Variants in SNX18 observed in about 807,000 individuals in gnomAD.
The protein encoded by SNX18 is sorting nexin-18.
SNX18 carries 35 observed loss-of-function variants against 48.7 expected under a neutral mutation model. The observed-to-expected ratio is 0.72, with a 90% CI of 0.55 to 0.95. SNX18 has a LOEUF of 0.95. Ranked by LOEUF, SNX18 falls within the 40% of genes least tolerant of loss-of-function variation. The pLI is 0.00. For missense variants in SNX18, 824 were observed against 871.0 expected (o/e 0.95, Z 0.68); for synonymous variants, 492 against 384.7 (o/e 1.28, Z -3.26).
At chr5:54,540,689 G>A (rs1205778538) in intron 1 of SNX18, among the ~76,000 whole-genome samples, 1 of 151,846 alleles carries the variant, frequency 6.6e-6, no homozygotes, top group African/African-American at 2.4e-5. Context: ...ACTGGACTCT[G>A]TTCTCTATGA....
At chr5:54,624,929 G>C in the SNX18 span, among the ~76,000 whole-genome samples, 1 of 152,206 alleles carries the variant, frequency 6.6e-6, no homozygotes, top group Non-Finnish European at 1.5e-5. Flanking sequence ...AAGTTTCTTG[G>C]AAGCCAGGTC....
the SNX18 span, among the ~76,000 whole-genome samples, chr5:54,625,545 G>C: frequency 6.6e-6 from 1 of 152,124 alleles, no homozygotes; most frequent in East Asian, 1.9e-4. Flanking sequence ...AAGAGAGACA[G>C]GGTGGGCAAG....
chr5:54,548,946 T>C (rs867643834), downstream of SNX18, among the ~76,000 whole-genome samples: 5 of 152,262 alleles, frequency 3.3e-5, no homozygotes, highest in South Asian at 1.0e-3. Context: ...TTCTCCTGTA[T>C]ACTTCAGATC....
At chr5:54,632,156 A>G in the SNX18 span, among the ~76,000 whole-genome samples, 1 of 152,098 alleles carries the variant, frequency 6.6e-6, no homozygotes, top group Non-Finnish European at 1.5e-5. Flanking sequence ...TCTGAAGCCC[A>G]TTTCCCATGT....
At chr5:54,526,654 T>C (rs1762136792) in intron 1 of SNX18, among the ~76,000 whole-genome samples, 1 of 152,196 alleles carries the variant, frequency 6.6e-6, no homozygotes, top group African/African-American at 2.4e-5. Flanking sequence ...GTACCCATCA[T>C]CGTCCAGGCA....
At chr5:54,537,450 A>G (rs72765742) in intron 1 of SNX18, among the ~76,000 whole-genome samples, 8,965 of 152,298 alleles carry the variant, frequency 0.059, 363 homozygotes, top group Middle Eastern at 0.11. Flanking sequence ...TTCAGTTTAC[A>G]GTGACATTGT....
chr5:54,582,611 C>CA, the SNX18 span, among the ~76,000 whole-genome samples: 6 of 151,146 alleles, frequency 4.0e-5, no homozygotes, highest in African/African-American at 1.5e-4. Context: ...TAAAAAAAAC[C>CA]AAAAAACAAA....
chr5:54,599,873 T>C, the SNX18 span, among the ~76,000 whole-genome samples: 1 of 151,934 alleles, frequency 6.6e-6, no homozygotes, highest in Non-Finnish European at 1.5e-5. Context: ...AACGCAAAAC[T>C]ATAAAAACTC....
At chr5:54,579,718 T>C in the SNX18 span, among the ~76,000 whole-genome samples, 1 of 152,128 alleles carries the variant, frequency 6.6e-6, no homozygotes, top group East Asian at 1.9e-4. Flanking sequence ...TTATCATAGA[T>C]TGGAAAGAGA....
the SNX18 span, among the ~76,000 whole-genome samples, chr5:54,646,625 C>T: frequency 6.6e-6 from 1 of 152,376 alleles, no homozygotes; most frequent in East Asian, 1.9e-4. Context: ...AGGCCTCCCT[C>T]ATATTGCAAT....
At chr5:54,536,241 T>A (rs1762352750) in intron 1 of SNX18, among the ~76,000 whole-genome samples, 1 of 152,144 alleles carries the variant, frequency 6.6e-6, no homozygotes, top group South Asian at 2.1e-4. Flanking sequence ...TCATTTTTTT[T>A]TTATTATACT....
the SNX18 span, among the ~76,000 whole-genome samples, chr5:54,553,296 C>T: frequency 0.21 from 32,526 of 151,994 alleles, 3,850 homozygotes; most frequent in East Asian, 0.41. Context: ...TCGTGATAAA[C>T]GAGACATGGT....
At chr5:54,552,837 T>G in the SNX18 span, among the ~76,000 whole-genome samples, 49 of 151,282 alleles carry the variant, frequency 3.2e-4, no homozygotes, top group African/African-American at 1.0e-3. Context: ...GTAAGTGCTA[T>G]GGGGAAAAAA....
chr5:54,576,830 C>A, the SNX18 span, among the ~76,000 whole-genome samples: 1 of 152,126 alleles, frequency 6.6e-6, no homozygotes, highest in African/African-American at 2.4e-5. Context: ...GGAACAGAGT[C>A]TCACTCTGTC....
the SNX18 span, among the ~76,000 whole-genome samples, chr5:54,564,953 T>C: frequency 1.3e-5 from 2 of 152,190 alleles, no homozygotes; most frequent in Non-Finnish European, 2.9e-5. Flanking sequence ...TTCGTTTTCT[T>C]CCCTTTTCCA....
chr5:54,608,147 G>A, the SNX18 span, among the ~76,000 whole-genome samples: 1 of 152,116 alleles, frequency 6.6e-6, no homozygotes. Context: ...CAATGTTTGA[G>A]GGATCCAGTT....
At chr5:54,532,319 C>CTTTTTTTTTTTTT (rs57856245) in intron 1 of SNX18, among the ~76,000 whole-genome samples, 3 of 130,984 alleles carry the variant, frequency 2.3e-5, no homozygotes, top group African/African-American at 2.9e-5. Flanking sequence ...TTTTTTTTTT[C>CTTTTTTTTTTTTT]TTTTTTTTTT....
downstream of SNX18, among the ~76,000 whole-genome samples, chr5:54,548,176 C>G (rs537342610): frequency 6.6e-6 from 1 of 152,204 alleles, no homozygotes; most frequent in Non-Finnish European, 1.5e-5. Flanking sequence ...CTCAAACTGC[C>G]TGCCTGTCTT....
chr5:54,559,878 C>A, the SNX18 span, among the ~76,000 whole-genome samples: 1 of 152,026 alleles, frequency 6.6e-6, no homozygotes, highest in East Asian at 1.9e-4. Context: ...AAAAATAACC[C>A]CATGAAAAAG....
Sources: allele counts gnomAD v4.1 joint callset (sites outside exome capture counted in the v4.1 genomes callset), GRCh38; gene constraint gnomAD v4.1.1; transcripts MANE v1.5; gene names NCBI Gene and HGNC (gene_info 2026-07-23, HGNC 2026-07-21).